DIP2C: variants seen among roughly 807,000 people sequenced by gnomAD.
DIP2C encodes disco-interacting protein 2 homolog C.
In DIP2C, 33 loss-of-function variants were observed where a neutral mutation model predicts 192.4. That is an observed-to-expected ratio of 0.17 (90% CI 0.13 to 0.23). The LOEUF is 0.23. Ranked by LOEUF, DIP2C falls within the 10% of genes least tolerant of loss-of-function variation. The pLI, the probability that DIP2C is intolerant of heterozygous loss-of-function variation, is 1.00. For missense variants in DIP2C, 1,537 were observed against 2,110.1 expected, an observed-to-expected ratio of 0.73 and a Z score of 5.32; for synonymous variants, 979 against 864.1, an observed-to-expected ratio of 1.13 and a Z score of -2.33.
intron 14 of DIP2C, 85 bp from the exon 15 acceptor site, chr10:384,724 C>G: frequency 7.3e-7 from 1 of 1,369,766 alleles, no homozygotes; most frequent in Non-Finnish European, 1.0e-6. Flanking sequence ...GACACTAGGC[C>G]GCACGGGCAG....
At chr10:473,287 G>T (rs536727484) in intron 2 of DIP2C, among the ~76,000 whole-genome samples, 1 of 152,332 alleles carries the variant, frequency 6.6e-6, no homozygotes, top group East Asian at 1.9e-4. Flanking sequence ...GCCCCCAAAG[G>T]AAGGACATCA....
chr10:585,184 A>AAC (rs1850942589), intron 1 of DIP2C, among the ~76,000 whole-genome samples: 1 of 152,198 alleles, frequency 6.6e-6, no homozygotes, highest in Non-Finnish European at 1.5e-5. Flanking sequence ...GAGCCCGGAG[A>AAC]ACACCGACGT....
At chr10:343,216 A>G (rs1030096825) in intron 28 of DIP2C, among the ~76,000 whole-genome samples, 2 of 152,190 alleles carry the variant, frequency 1.3e-5, no homozygotes, top group African/African-American at 4.8e-5. Context: ...TTGAACCAAG[A>G]GGGCGGAGGT....
intron 1 of DIP2C, among the ~76,000 whole-genome samples, chr10:494,928 G>C (rs1844704642): frequency 6.6e-6 from 1 of 152,208 alleles, no homozygotes; most frequent in African/African-American, 2.4e-5. Context: ...AGAGATACCT[G>C]CATGCTCACA....
At chr10:385,917 T>TG (rs1333004635) in intron 14 of DIP2C, among the ~76,000 whole-genome samples, 3 of 152,106 alleles carry the variant, frequency 2.0e-5, no homozygotes, top group African/African-American at 7.2e-5. Context: ...GCCACTCTGC[T>TG]GGGGGAGGTA....
intron 29 of DIP2C, among the ~76,000 whole-genome samples, chr10:330,954 G>A (rs1459000215): frequency 6.7e-6 from 1 of 149,542 alleles, no homozygotes; most frequent in Non-Finnish European, 1.5e-5. Context: ...TGGGACTACA[G>A]ATGCACAACA....
chr10:484,647 G>A, intron 2 of DIP2C: 1 of 1,275,104 alleles, frequency 7.8e-7, no homozygotes, highest in East Asian at 2.5e-5. Flanking sequence ...GGAGCGACCT[G>A]GCTCACTGGA....
chr10:584,209 A>G (rs1005423690), intron 1 of DIP2C, among the ~76,000 whole-genome samples: 2 of 152,176 alleles, frequency 1.3e-5, no homozygotes, highest in African/African-American at 4.8e-5. Flanking sequence ...ATATACACCA[A>G]TACTCCCCTA....
intron 1 of DIP2C, among the ~76,000 whole-genome samples, chr10:674,333 TTTAAG>T (rs1163265108): frequency 2.0e-5 from 3 of 152,158 alleles, no homozygotes; most frequent in Admixed American, 6.5e-5. Context: ...TTAATCACAA[TTTAAG>T]TTAAAAACTG....
intron 9 of DIP2C, among the ~76,000 whole-genome samples, chr10:406,651 C>A (rs888224193): frequency 5.3e-5 from 8 of 152,142 alleles, no homozygotes; most frequent in Non-Finnish European, 8.8e-5. Context: ...GGTAATAGCC[C>A]TTTCCCGAAA....
At chr10:612,950 CT>C (rs1853201262) in intron 1 of DIP2C, among the ~76,000 whole-genome samples, 1 of 152,164 alleles carries the variant, frequency 6.6e-6, no homozygotes, top group African/African-American at 2.4e-5. Flanking sequence ...TCCGGCCCCC[CT>C]CCCAGTGGGT....
At chr10:557,844 A>AG (rs1264709289) in intron 1 of DIP2C, among the ~76,000 whole-genome samples, 2 of 71,574 alleles carry the variant, frequency 2.8e-5, no homozygotes, top group Admixed American at 1.7e-4. Context: ...GCAGGCAGGC[A>AG]GGAAGGGGGA....
At chr10:614,606 A>G (rs551788671) in intron 1 of DIP2C, among the ~76,000 whole-genome samples, 1 of 152,240 alleles carries the variant, frequency 6.6e-6, no homozygotes, top group Non-Finnish European at 1.5e-5. Flanking sequence ...ACACAAAGAC[A>G]ACAGCCACCT....
intron 32 of DIP2C, among the ~76,000 whole-genome samples, chr10:293,371 C>G (rs1027258233): frequency 1.3e-5 from 2 of 152,348 alleles, no homozygotes; most frequent in South Asian, 4.1e-4. Flanking sequence ...CACAGCCACG[C>G]TCACCGTGTG....
At chr10:619,541 G>GCCCGCCCGCCCACCCGCCCACCCTCCCA in intron 1 of DIP2C, among the ~76,000 whole-genome samples, 21 of 67,962 alleles carry the variant, frequency 3.1e-4, no homozygotes, top group African/African-American at 5.9e-4. Flanking sequence ...CCGCCCGCCC[G>GCCCGCCCGCCCACCCGCCCACCCTCCCA]CCCTCCCACC....
chr10:531,504 G>A (rs7912391), intron 1 of DIP2C, among the ~76,000 whole-genome samples: 24,142 of 152,040 alleles, frequency 0.16, 3,090 homozygotes, highest in African/African-American at 0.35. Context: ...AAGAATCGAG[G>A]TATCATACGT....
intron 1 of DIP2C, among the ~76,000 whole-genome samples, chr10:578,888 G>A (rs1850365944): frequency 6.6e-6 from 1 of 151,922 alleles, no homozygotes; most frequent in African/African-American, 2.4e-5. Flanking sequence ...CGTGCATAGA[G>A]CATACACACA....
At chr10:304,494 A>AGAACT (rs1956211412) in intron 32 of DIP2C, among the ~76,000 whole-genome samples, 2 of 152,204 alleles carry the variant, frequency 1.3e-5, no homozygotes, top group African/African-American at 4.8e-5. Context: ...GACCAGCTGG[A>AGAACT]GAACTCTGGC....
chr10:657,932 T>G (rs1856487714), intron 1 of DIP2C, among the ~76,000 whole-genome samples: 1 of 151,558 alleles, frequency 6.6e-6, no homozygotes, highest in African/African-American at 2.4e-5. Context: ...TCCCTGGACC[T>G]GCCCCTGGAC....
Sources: allele counts gnomAD v4.1 joint callset (sites outside exome capture counted in the v4.1 genomes callset), GRCh38; gene constraint gnomAD v4.1.1; transcripts MANE v1.5; gene names NCBI Gene and HGNC (gene_info 2026-07-23, HGNC 2026-07-21).